The following PARD3 variants were observed in gnomAD, a reference collection of about 807,000 sequenced individuals.
The protein encoded by PARD3 is partitioning defective 3 homolog.
PARD3 carries 75 observed loss-of-function variants against 155.4 expected under a neutral mutation model. The observed-to-expected ratio is 0.48, with a 90% CI of 0.40 to 0.58. PARD3 has a LOEUF of 0.58. Ranked by LOEUF, PARD3 falls within the 20% of genes least tolerant of loss-of-function variation. The probability of loss-of-function intolerance (pLI) is 0.00; values close to 1 mark genes in which losing one functional copy is unlikely to be tolerated. For missense variants in PARD3, 1,642 were observed against 1,721.7 expected, an observed-to-expected ratio of 0.95 and a Z score of 0.82; for synonymous variants, 576 against 610.5, an observed-to-expected ratio of 0.94 and a Z score of 0.83.
intron 2 of PARD3, among the ~76,000 whole-genome samples, chr10:34,551,080 A>T (rs2084516636): frequency 6.6e-6 from 1 of 152,224 alleles, no homozygotes; most frequent in Non-Finnish European, 1.5e-5. Context: ...GCAAAAAAAG[A>T]GTAACCCAAA....
chr10:34,436,277 G>A (rs1313720056), intron 5 of PARD3, among the ~76,000 whole-genome samples: 1 of 152,204 alleles, frequency 6.6e-6, no homozygotes, highest in Non-Finnish European at 1.5e-5. Flanking sequence ...TGGAGGAAAG[G>A]GGAAGGTTTT....
At chr10:34,604,269 T>C (rs942490208) in intron 2 of PARD3, among the ~76,000 whole-genome samples, 6 of 152,156 alleles carry the variant, frequency 3.9e-5, no homozygotes, top group South Asian at 2.1e-4. Flanking sequence ...TGTGTGGGTG[T>C]TGCCAAAAGA....
intron 22 of PARD3, among the ~76,000 whole-genome samples, chr10:34,252,738 G>C (rs1472134548): frequency 6.7e-6 from 1 of 149,542 alleles, no homozygotes; most frequent in Non-Finnish European, 1.5e-5. Context: ...TTATATATAT[G>C]TGTATGTGTG....
intron 22 of PARD3, among the ~76,000 whole-genome samples, chr10:34,211,459 A>C (rs1348409655): frequency 6.6e-6 from 1 of 152,148 alleles, no homozygotes; most frequent in Non-Finnish European, 1.5e-5. Flanking sequence ...GGAAAGCAGA[A>C]ACGACAGAGG....
intron 1 of PARD3, among the ~76,000 whole-genome samples, chr10:34,727,277 G>A (rs565673506): frequency 1.4e-4 from 22 of 152,282 alleles, no homozygotes; most frequent in Non-Finnish European, 2.6e-4. Flanking sequence ...TGCCACTGGC[G>A]GCATACAAGC....
intron 1 of PARD3, among the ~76,000 whole-genome samples, chr10:34,699,266 G>A (rs545194458): frequency 1.5e-4 from 23 of 152,230 alleles, no homozygotes; most frequent in African/African-American, 2.4e-4. Context: ...TGGATATGAC[G>A]TTTTGAAAAG....
At chr10:34,750,411 TACAG>T (rs1263981831) in intron 1 of PARD3, among the ~76,000 whole-genome samples, 2 of 151,202 alleles carry the variant, frequency 1.3e-5, no homozygotes, top group Non-Finnish European at 2.9e-5. Flanking sequence ...TCTAGAAAGC[TACAG>T]ACACATTTGT....
chr10:34,405,079 AACACACACACACACACAC>A (rs200596601), intron 5 of PARD3, among the ~76,000 whole-genome samples: 1 of 59,420 alleles, frequency 1.7e-5, no homozygotes, highest in African/African-American at 1.1e-4. Context: ...CACAAACACA[AACACACACACACACACAC>A]ACACACACAC....
At chr10:34,658,317 A>G (rs559180923) in intron 2 of PARD3, among the ~76,000 whole-genome samples, 1 of 152,234 alleles carries the variant, frequency 6.6e-6, no homozygotes, top group African/African-American at 2.4e-5. Flanking sequence ...AATTCTGAAT[A>G]TCATTTAATA....
At chr10:34,534,837 C>G (rs924968700) in intron 2 of PARD3, among the ~76,000 whole-genome samples, 1 of 152,150 alleles carries the variant, frequency 6.6e-6, no homozygotes, top group African/African-American at 2.4e-5. Flanking sequence ...ATGGCAAAAC[C>G]ATGTCTCTAC....
At chr10:34,275,093 A>G (rs571132799) in intron 21 of PARD3, among the ~76,000 whole-genome samples, 17 of 152,290 alleles carry the variant, frequency 1.1e-4, no homozygotes, top group African/African-American at 3.6e-4. Context: ...TTTTACCCAA[A>G]TTTGTACATT....
chr10:34,317,103 T>A lies in PARD3; in HGVS notation c.3065+4A>T. 1 of 1,547,128 alleles carries A rather than the reference T, an allele frequency of 6.5e-7. No individual in the cohort carries two copies. Among genetic ancestry groups the A allele is most frequent in the Non-Finnish European group, 8.7e-7 (1 of 1,145,792 alleles). On this transcript the variant is annotated splice_donor_region_variant and intron_variant, in intron 20 of 24. Transcript: ENST00000374788. Reference sequence around the variant, plus strand: ...GATTCTGGTTTGGGATGGTAACGACTTACCTGAACATGTCTCCCAAGCCCT... The same window carrying A: ...GATTCTGGTTTGGGATGGTAACGACATACCTGAACATGTCTCCCAAGCCCT...
intron 22 of PARD3, among the ~76,000 whole-genome samples, chr10:34,265,734 C>T (rs963363008): frequency 6.6e-6 from 1 of 152,206 alleles, no homozygotes. Flanking sequence ...TGTCATTTCA[C>T]TGTCTGAATT....
chr10:34,274,219 A>C (rs1289276751), intron 21 of PARD3, among the ~76,000 whole-genome samples: 2 of 152,166 alleles, frequency 1.3e-5, no homozygotes, highest in African/African-American at 4.8e-5. Context: ...AGAAACAGCA[A>C]CTCAAATTCT....
intron 1 of PARD3, among the ~76,000 whole-genome samples, chr10:34,807,292 T>C (rs925522802): frequency 1.3e-5 from 2 of 152,238 alleles, no homozygotes; most frequent in African/African-American, 4.8e-5. Context: ...CATATATATG[T>C]CATTTTATGA....
chr10:34,804,368 T>G (rs529483456), intron 1 of PARD3, among the ~76,000 whole-genome samples: 2 of 152,340 alleles, frequency 1.3e-5, no homozygotes, highest in Non-Finnish European at 2.9e-5. Flanking sequence ...GAAGATTTTT[T>G]TTCCAGATCT....
Position 34,221,388 on chromosome 10 carries a change from C to CTTT in PARD3, c.3419+48266_3419+48268dup, listed in dbSNP as rs3039277. Among the ~76,000 whole-genome samples the CTTT allele has an allele frequency of 9.1e-3, 1,093 of 119,756 alleles. 21 individuals carry two copies. The highest frequency in any genetic ancestry group is 0.014 in the Non-Finnish European group (827 of 58,084). The allele number at this position is 119,756 out of a possible 152,430, so 78.6% of individuals were successfully genotyped here. A position where few individuals can be genotyped will look rare whatever the true frequency, so the allele number is the denominator to read the frequency against. Reference sequence around the variant, plus strand: ...CTTTTCCATTCAAACCAGGACTTGCCTTTTTTTTTTTTTTTTTTGATAAGT... The same window carrying CTTT: ...CTTTTCCATTCAAACCAGGACTTGCCTTTTTTTTTTTTTTTTTTTTTGATAAGT... On this transcript the variant is annotated intron_variant, in intron 22 of 24. Transcript: ENST00000374788.
intron 22 of PARD3, among the ~76,000 whole-genome samples, chr10:34,235,682 C>T (rs1385988255): frequency 1.3e-5 from 2 of 152,150 alleles, no homozygotes; most frequent in Non-Finnish European, 2.9e-5. Flanking sequence ...TTGCCGAGTT[C>T]TGACTAATGA....
rs1955001190 is a variant in PARD3 at position 34,261,777 on chromosome 10, AAAGAAAAGAAAGAAAGAAAG to A, written c.3419+7860_3419+7879del. 1.1e-4 allele frequency among the ~76,000 whole-genome samples: 7 copies of A among 64,196 alleles called. No homozygotes were observed. The East Asian group carries it at 2.7e-3, about 25-fold the overall frequency. The allele number at this position is 64,196 out of a possible 152,430, so 42.1% of individuals were successfully genotyped here. ...GGAAGAAAGGAAGGAAGGAAGAAAGAAAGAAAAGAAAGAAAGAAAGAAAGAAAGAAAGAAAGAAAGAAAGA... is the reference window on the plus strand; with the variant it reads ...GGAAGAAAGGAAGGAAGGAAGAAAGAAAAGAAAGAAAGAAAGAAAGAAAGA... On this transcript the variant is annotated intron_variant, in intron 22 of 24. Transcript: ENST00000374788.
Sources: allele counts gnomAD v4.1 joint callset (sites outside exome capture counted in the v4.1 genomes callset), GRCh38; gene constraint gnomAD v4.1.1; transcripts MANE v1.5; gene names NCBI Gene and HGNC (gene_info 2026-07-23, HGNC 2026-07-21).